Variants in ERBB4 observed in about 807,000 individuals in gnomAD.
The protein encoded by ERBB4 is receptor tyrosine-protein kinase erbB-4.
A neutral mutation model predicts 158.0 loss-of-function variants in ERBB4; 42 were observed. The ratio of observed to expected loss-of-function variants is 0.27; its 90% confidence interval spans 0.21 to 0.34. The LOEUF is 0.34. Among genes scored for constraint, ERBB4 ranks in the 10% least tolerant of loss-of-function variants. The pLI is 1.00. For synonymous variants in ERBB4, 583 were observed against 558.7 expected, an observed-to-expected ratio of 1.04 and a Z score of -0.61; for missense variants, 1,333 against 1,624.1, an observed-to-expected ratio of 0.82 and a Z score of 3.08.
chr2:211,711,492 A>C (rs2073700351), intron 9 of ERBB4, among the ~76,000 whole-genome samples: 1 of 152,138 alleles, frequency 6.6e-6, no homozygotes, highest in Non-Finnish European at 1.5e-5. Flanking sequence ...ATCACGTTGC[A>C]ATTTGTATTA....
intron 2 of ERBB4, among the ~76,000 whole-genome samples, chr2:212,000,604 A>T (rs2076080775): frequency 6.6e-6 from 1 of 151,896 alleles, no homozygotes; most frequent in Non-Finnish European, 1.5e-5. Flanking sequence ...AAATAAAGTA[A>T]ATATTACAAG....
chr2:211,518,452 G>A (rs889052471), intron 20 of ERBB4, among the ~76,000 whole-genome samples: 4 of 152,042 alleles, frequency 2.6e-5, no homozygotes, highest in Admixed American at 1.3e-4. Context: ...TCAGGAGATC[G>A]AGGCCAGCTT....
intron 2 of ERBB4, among the ~76,000 whole-genome samples, chr2:211,966,213 T>TA (rs916146218): frequency 6.6e-6 from 1 of 151,914 alleles, no homozygotes; most frequent in African/African-American, 2.4e-5. Flanking sequence ...GACCCTGTCT[T>TA]AAAAAAAGAA....
chr2:211,415,778 T>C (rs1406110502), intron 25 of ERBB4, among the ~76,000 whole-genome samples: 1 of 152,226 alleles, frequency 6.6e-6, no homozygotes, highest in Non-Finnish European at 1.5e-5. Context: ...ATTTTTGAGA[T>C]ACCAAACTTC....
chr2:212,216,084 C>T (rs2049178), intron 1 of ERBB4, among the ~76,000 whole-genome samples: 83,524 of 150,578 alleles, frequency 0.55, 23,332 homozygotes, highest in East Asian at 0.76. Flanking sequence ...AAAATACTTG[C>T]GTTGTAAGTT....
chr2:212,527,472 T>C (rs1305181528), intron 1 of ERBB4, among the ~76,000 whole-genome samples: 1 of 152,014 alleles, frequency 6.6e-6, no homozygotes, highest in Non-Finnish European at 1.5e-5. Context: ...AATTGTATAA[T>C]GACACCCAAA....
chr2:211,906,517 G>GGAGCTGGAGGCCAT (rs2079396831), intron 3 of ERBB4, among the ~76,000 whole-genome samples: 42 of 151,908 alleles, frequency 2.8e-4, no homozygotes, highest in Middle Eastern at 3.4e-3. Flanking sequence ...AAAGAAGAAA[G>GGAGCTGGAGGCCAT]TATAAATATT....
At chr2:211,960,445 T>C (rs2081151117) in intron 2 of ERBB4, among the ~76,000 whole-genome samples, 1 of 152,164 alleles carries the variant, frequency 6.6e-6, no homozygotes, top group South Asian at 2.1e-4. Flanking sequence ...AATTCACTTT[T>C]TTGAAAATGT....
intron 5 of ERBB4, among the ~76,000 whole-genome samples, chr2:211,748,626 T>G (rs1045429876): frequency 6.6e-6 from 1 of 152,236 alleles, no homozygotes; most frequent in Non-Finnish European, 1.5e-5. Flanking sequence ...CAGGGTGTGG[T>G]TGGGCCCACC....
intron 5 of ERBB4, among the ~76,000 whole-genome samples, chr2:211,747,933 TATA>T (rs1230722911): frequency 6.6e-6 from 1 of 152,024 alleles, no homozygotes; most frequent in Non-Finnish European, 1.5e-5. Flanking sequence ...TGAAATGGCA[TATA>T]ATATTTGAGT....
intron 7 of ERBB4, among the ~76,000 whole-genome samples, chr2:211,718,298 G>T: frequency 6.6e-6 from 1 of 152,036 alleles, no homozygotes; most frequent in Non-Finnish European, 1.5e-5. Context: ...GACTAATAAG[G>T]GAACGAAGCC....
intron 2 of ERBB4, among the ~76,000 whole-genome samples, chr2:212,000,184 A>G (rs969741843): frequency 1.1e-4 from 17 of 151,934 alleles, no homozygotes; most frequent in African/African-American, 3.6e-4. Context: ...TATTATTTTG[A>G]TATTCATCAA....
chr2:211,673,025 C>T (rs1426238870), intron 14 of ERBB4, 139 bp downstream of exon 14: 14 of 719,202 alleles, frequency 1.9e-5, no homozygotes, highest in Non-Finnish European at 3.5e-5. Flanking sequence ...AACTTTAAGC[C>T]TCTTGTAGGC....
intron 3 of ERBB4, among the ~76,000 whole-genome samples, chr2:211,881,401 G>C (rs986659486): frequency 6.6e-6 from 1 of 152,094 alleles, no homozygotes; most frequent in Non-Finnish European, 1.5e-5. Context: ...CGCAAACATC[G>C]ATAAGCAAGC....
chr2:211,636,557 G>T (rs1398031699), intron 16 of ERBB4, among the ~76,000 whole-genome samples: 1 of 151,738 alleles, frequency 6.6e-6, no homozygotes, highest in African/African-American at 2.4e-5. Context: ...TCCCATTTTG[G>T]CCAGGACGGT....
intron 4 of ERBB4, among the ~76,000 whole-genome samples, chr2:211,772,926 T>C (rs757652913): frequency 0.49 from 21,977 of 45,222 alleles, 4,748 homozygotes; most frequent in Non-Finnish European, 0.54. Flanking sequence ...CACACACACA[T>C]ATATATATAT....
chr2:211,761,162 T>C (rs1330155731), intron 4 of ERBB4, among the ~76,000 whole-genome samples: 1 of 125,270 alleles, frequency 8.0e-6, no homozygotes, highest in Non-Finnish European at 1.6e-5. Context: ...GCCACTGTAC[T>C]CCAGCCTGGC....
intron 1 of ERBB4, among the ~76,000 whole-genome samples, chr2:212,133,550 T>C (rs990813597): frequency 3.3e-5 from 5 of 151,522 alleles, no homozygotes; most frequent in African/African-American, 4.8e-5. Flanking sequence ...AGCAGGCATA[T>C]AGCAGATGTT....
intron 1 of ERBB4, among the ~76,000 whole-genome samples, chr2:212,510,182 A>C (rs1691433358): frequency 7.1e-6 from 1 of 141,670 alleles, no homozygotes. Context: ...AAGCCTAAAA[A>C]CACCTTCCAT....
Sources: allele counts gnomAD v4.1 joint callset (sites outside exome capture counted in the v4.1 genomes callset), GRCh38; gene constraint gnomAD v4.1.1; transcripts MANE v1.5; gene names NCBI Gene and HGNC (gene_info 2026-07-23, HGNC 2026-07-21).